C5orf63: variants seen among roughly 807,000 people sequenced by gnomAD.
C5orf63 encodes the protein glutaredoxin-like protein C5orf63.
C5orf63 carries 18 observed loss-of-function variants against 13.3 expected under a neutral mutation model. That is an observed-to-expected ratio of 1.36 (90% CI 0.94 to 2.01). C5orf63 has a LOEUF of 2.01. Ranked by LOEUF, C5orf63 falls within the 30% of genes most tolerant of loss-of-function variation. The pLI, the probability that C5orf63 is intolerant of heterozygous loss-of-function variation, is 0.00. For missense variants in C5orf63, 118 were observed against 127.7 expected (o/e 0.92, Z 0.36); for synonymous variants, 38 against 44.7 (o/e 0.85, Z 0.60).
At chr5:127,053,608 G>A (rs958999695) in intron 3 of C5orf63, among the ~76,000 whole-genome samples, 12 of 152,042 alleles carry the variant, frequency 7.9e-5, no homozygotes, top group East Asian at 1.9e-4. Context: ...GACAGGCCCC[G>A]GTGTGTGATG....
chr5:127,053,487 G>A (rs188012707), intron 3 of C5orf63, among the ~76,000 whole-genome samples: 152 of 151,702 alleles, frequency 1.0e-3, no homozygotes, highest in Non-Finnish European at 1.8e-3. Context: ...ACAACGTGCC[G>A]TTTTGTTACA....
chr5:127,047,496 C>A (rs185578087), downstream of C5orf63: 12 of 536,088 alleles, frequency 2.2e-5, no homozygotes, highest in East Asian at 3.4e-4. Context: ...CTGCAGGATT[C>A]CTAGTCACAT....
intron 2 of C5orf63, among the ~76,000 whole-genome samples, chr5:127,068,408 T>C (rs143700773): frequency 6.0e-4 from 92 of 152,214 alleles, no homozygotes; most frequent in Admixed American, 1.2e-3. Flanking sequence ...CAATCATAAC[T>C]GGGAAGTGTT....
chr5:127,043,791 T>C (rs1452516062), downstream of C5orf63: 1 of 152,236 alleles, frequency 6.6e-6, no homozygotes, highest in Non-Finnish European at 1.5e-5. Flanking sequence ...AAATGCCTCA[T>C]TTACCTGGTC....
At chr5:127,044,937 C>T (rs1302349460), downstream of C5orf63, 1 of 152,110 alleles carries the variant, frequency 6.6e-6, no homozygotes, top group Non-Finnish European at 1.5e-5. Context: ...TCTAGTACTG[C>T]CCCAACACTG....
chr5:127,069,399 C>A (rs1316141236), intron 2 of C5orf63, among the ~76,000 whole-genome samples: 5 of 152,162 alleles, frequency 3.3e-5, no homozygotes, highest in Non-Finnish European at 5.9e-5. Flanking sequence ...AGTTTCCCTG[C>A]TATTTAAAAA....
chr5:127,066,132 CA>C (rs1438236666), intron 2 of C5orf63, among the ~76,000 whole-genome samples: 2 of 151,924 alleles, frequency 1.3e-5, no homozygotes, highest in African/African-American at 4.8e-5. Flanking sequence ...TTGAAAGAAA[CA>C]GAAAAGATTG....
At chr5:127,054,676 T>C (rs1753808358) in intron 3 of C5orf63, among the ~76,000 whole-genome samples, 1 of 152,230 alleles carries the variant, frequency 6.6e-6, no homozygotes, top group South Asian at 2.1e-4. Context: ...TTTTCTCCAA[T>C]TCAGTAGGTT....
At chr5:127,052,743 A>C (rs1753726215) in intron 3 of C5orf63, 74 bp from the exon 4 acceptor site, 2 of 1,195,616 alleles carry the variant, frequency 1.7e-6, no homozygotes, top group Admixed American at 3.4e-5. Context: ...AAAACAAAAC[A>C]AAAAACCCAT....
At chr5:127,057,259 T>G (rs965355673) in intron 3 of C5orf63, among the ~76,000 whole-genome samples, 6 of 152,262 alleles carry the variant, frequency 3.9e-5, no homozygotes, top group Admixed American at 2.0e-4. Flanking sequence ...CATTAAACTT[T>G]GTTATTAAAT....
intron 4 of C5orf63, 59 bp from the exon 5 acceptor site, chr5:127,052,006 C>A: frequency 8.1e-7 from 1 of 1,240,748 alleles, no homozygotes; most frequent in Non-Finnish European, 1.1e-6. Context: ...GTAACAACTG[C>A]AGTGATAAAC....
At position 127,051,854 on chromosome 5, in the gene C5orf63, G is replaced by A; in HGVS notation, c.265C>T (p.Gln89Ter). The part of the protein sequence containing the change: ...FDIPVFHLNG[Q>*]FLMMHRVNTS... ...TTTACTCGATGCATCATCAGAAACT[G>A]GCCATTCAAGTGAAAGACAGGAATA... is the stretch of plus-strand genomic sequence containing the variant. The change falls in exon 5 of 5, where the codon CAG becomes TAG. Residue 89 changes from glutamine to a stop codon, truncating the protein, a stop_gained. Coordinates refer to ENST00000296662, the MANE Select transcript of C5orf63 (RefSeq NM_001164478.2). LOFTEE classifies it high-confidence loss of function. 6.5e-7 allele frequency: 1 copy of A among 1,535,694 alleles called. No individual in the cohort carries two copies. Among genetic ancestry groups the A allele is most frequent in the Non-Finnish European group, 8.7e-7 (1 of 1,146,190 alleles).
At chr5:127,057,104 T>C (rs1753912666) in intron 3 of C5orf63, among the ~76,000 whole-genome samples, 1 of 152,232 alleles carries the variant, frequency 6.6e-6, no homozygotes. Flanking sequence ...TTAACTTCTG[T>C]GGTTTGCACA....
downstream of C5orf63, among the ~76,000 whole-genome samples, chr5:127,049,729 A>G (rs143787682): frequency 7.8e-3 from 1,184 of 152,340 alleles, 16 homozygotes; most frequent in African/African-American, 0.024. Context: ...AAAACAAGAC[A>G]TATTTATTGT....
At chr5:127,053,096 T>G (rs1753745439) in intron 3 of C5orf63, among the ~76,000 whole-genome samples, 1 of 152,246 alleles carries the variant, frequency 6.6e-6, no homozygotes, top group South Asian at 2.1e-4. Context: ...CTTGCCAGCC[T>G]GTTTTTCCTA....
Sources: gnomAD v4.1 joint callset for allele counts (sites outside exome capture counted in the v4.1 genomes callset) on GRCh38, gnomAD v4.1.1 for gene constraint, MANE v1.5 for transcripts, NCBI Gene and HGNC (gene_info 2026-07-23, HGNC 2026-07-21) for gene names.